The following HPSE2 variants were observed in gnomAD, a reference collection of about 807,000 sequenced individuals.
The protein encoded by HPSE2 is heparanase 2 (inactive).
In HPSE2, 38 loss-of-function variants were observed where a neutral mutation model predicts 60.5. The observed-to-expected ratio is 0.63, with a 90% confidence interval of 0.48 to 0.82. The LOEUF is 0.82. HPSE2 is among the 40% of genes least tolerant of loss of function. The probability of loss-of-function intolerance (pLI) is 0.00; values close to 1 mark genes in which losing one functional copy is unlikely to be tolerated. For missense variants in HPSE2, 713 were observed against 740.4 expected (o/e 0.96, Z 0.43); for synonymous variants, 295 against 293.2 (o/e 1.01, Z -0.06).
At chr10:98,477,406 G>A (rs888722928) in intron 11 of HPSE2, among the ~76,000 whole-genome samples, 7 of 152,276 alleles carry the variant, frequency 4.6e-5, no homozygotes, top group African/African-American at 1.7e-4. Flanking sequence ...GAAGGCTGGG[G>A]GAGAGAGCCA....
intron 3 of HPSE2, among the ~76,000 whole-genome samples, chr10:98,921,970 T>G (rs987496712): frequency 3.3e-5 from 5 of 152,152 alleles, no homozygotes. Flanking sequence ...ATCTGCACTC[T>G]AGACCTGTGA....
chr10:98,996,777 C>G (rs892278400), intron 3 of HPSE2, among the ~76,000 whole-genome samples: 40 of 152,154 alleles, frequency 2.6e-4, no homozygotes, highest in African/African-American at 9.7e-4. Flanking sequence ...AAAGTACATG[C>G]TACATGATTC....
the HPSE2 span, among the ~76,000 whole-genome samples, chr10:99,288,521 A>G: frequency 9.2e-5 from 14 of 152,162 alleles, no homozygotes; most frequent in Admixed American, 8.5e-4. Flanking sequence ...AATAAGACAT[A>G]TAACTGATGA....
chr10:98,516,522 G>A (rs1025168454), intron 9 of HPSE2, among the ~76,000 whole-genome samples: 1 of 152,100 alleles, frequency 6.6e-6, no homozygotes, highest in Non-Finnish European at 1.5e-5. Flanking sequence ...CTCACTAATT[G>A]GTGACTTCAC....
At chr10:99,103,429 A>T (rs1844099121) in intron 3 of HPSE2, among the ~76,000 whole-genome samples, 1 of 152,090 alleles carries the variant, frequency 6.6e-6, no homozygotes, top group Non-Finnish European at 1.5e-5. Flanking sequence ...CTTACAAGGG[A>T]TGTGAAGGAC....
intron 3 of HPSE2, among the ~76,000 whole-genome samples, chr10:99,070,358 T>G (rs998369673): frequency 5.3e-5 from 8 of 152,208 alleles, no homozygotes; most frequent in Non-Finnish European, 7.3e-5. Flanking sequence ...TAAAACATGA[T>G]ATGATGCTCA....
intron 11 of HPSE2, among the ~76,000 whole-genome samples, chr10:98,466,434 A>T (rs1434990209): frequency 1.3e-5 from 2 of 152,102 alleles, no homozygotes; most frequent in Non-Finnish European, 2.9e-5. Flanking sequence ...CAACATGGTG[A>T]AACCCTGGCT....
In HPSE2 at chr10:99,232,321, A is replaced by T. The variant is rs1008737595; in HGVS notation, c.448+27T>A. ...GCGGGTGCTTGCTTCCGCTCCCCAA[A>T]TAAAGAATGGTAATCAAGTTTCTCA... On this transcript the variant is annotated intron_variant, in intron 2 of 11. Transcript: ENST00000370552. 1.9e-6 allele frequency: 3 copies of T among 1,551,330 alleles called. No homozygotes were observed. The South Asian group carries it at 3.6e-5, about 18-fold the overall frequency.
intron 2 of HPSE2, among the ~76,000 whole-genome samples, chr10:99,148,142 CACAGCTGTGCT>C (rs1404172162): frequency 1.9e-4 from 29 of 152,296 alleles, no homozygotes; most frequent in Middle Eastern, 3.4e-3. Context: ...AAGAAGGCAA[CACAGCTGTGCT>C]ACATTCCTTG....
intron 6 of HPSE2, among the ~76,000 whole-genome samples, chr10:98,679,427 C>T (rs1446163235): frequency 3.3e-5 from 5 of 152,136 alleles, no homozygotes; most frequent in Admixed American, 1.3e-4. Context: ...AATGTCATTG[C>T]TCTGACAATT....
the HPSE2 span, among the ~76,000 whole-genome samples, chr10:99,257,711 C>T: frequency 2.6e-5 from 4 of 152,134 alleles, no homozygotes; most frequent in African/African-American, 9.7e-5. Context: ...TATTCTATTA[C>T]CTTGTGAAGT....
intron 6 of HPSE2, 120 bp from the exon 7 acceptor site, chr10:98,642,060 A>G: frequency 1.2e-6 from 1 of 820,286 alleles, no homozygotes; most frequent in Non-Finnish European, 2.1e-6. Flanking sequence ...TCGGGCTCTC[A>G]TATTCTAAAA....
intron 3 of HPSE2, among the ~76,000 whole-genome samples, chr10:98,954,454 T>C (rs186887170): frequency 6.6e-6 from 1 of 152,350 alleles, no homozygotes; most frequent in East Asian, 1.9e-4. Flanking sequence ...AAAATCTTCC[T>C]GATTAAATTA....
chr10:99,100,402 A>C (rs1231061561), intron 3 of HPSE2, among the ~76,000 whole-genome samples: 2 of 152,232 alleles, frequency 1.3e-5, no homozygotes, highest in African/African-American at 4.8e-5. Context: ...GTGACTGAAG[A>C]TCAAATGAAT....
At chr10:98,565,673 T>C (rs955427047) in intron 9 of HPSE2, among the ~76,000 whole-genome samples, 4 of 152,214 alleles carry the variant, frequency 2.6e-5, no homozygotes, top group African/African-American at 9.6e-5. Flanking sequence ...ATGATTTATA[T>C]TCCTTTGGGT....
chr10:99,295,092 CT>C, the HPSE2 span, among the ~76,000 whole-genome samples: 1 of 152,186 alleles, frequency 6.6e-6, no homozygotes, highest in Non-Finnish European at 1.5e-5. Flanking sequence ...AAGCTAAATA[CT>C]TATCAGTGGA....
intron 3 of HPSE2, among the ~76,000 whole-genome samples, chr10:98,759,202 G>A (rs1415809658): frequency 1.3e-5 from 2 of 152,024 alleles, no homozygotes; most frequent in African/African-American, 2.4e-5. Context: ...AGTGTGGGAG[G>A]AGGGTGAGGA....
chr10:98,876,562 C>T (rs1375130207), intron 3 of HPSE2, among the ~76,000 whole-genome samples: 2 of 151,886 alleles, frequency 1.3e-5, no homozygotes, highest in Non-Finnish European at 2.9e-5. Flanking sequence ...CCCACCTTTT[C>T]TATTTTACTT....
chr10:98,481,535 A>G (rs534492684), intron 11 of HPSE2, among the ~76,000 whole-genome samples: 3 of 152,328 alleles, frequency 2.0e-5, no homozygotes, highest in African/African-American at 7.2e-5. Flanking sequence ...GAAGAAAGAA[A>G]AACAGACGCA....
Sources: allele counts gnomAD v4.1 joint callset (sites outside exome capture counted in the v4.1 genomes callset), GRCh38; gene constraint gnomAD v4.1.1; transcripts MANE v1.5; gene names NCBI Gene and HGNC (gene_info 2026-07-23, HGNC 2026-07-21).